ASXL1: variants seen among roughly 807,000 people sequenced by gnomAD.
The protein encoded by ASXL1 is ASXL transcriptional regulator 1, also known as polycomb group protein ASXL1.
In ASXL1, 65 loss-of-function variants were observed where a neutral mutation model predicts 89.1. The ratio of observed to expected loss-of-function variants is 0.73; its 90% CI spans 0.60 to 0.90. ASXL1 has a LOEUF of 0.90. Among genes scored for constraint, ASXL1 ranks in the 40% least tolerant of loss-of-function variants. ASXL1 has a pLI of 0.00. For synonymous variants in ASXL1, 739 were observed against 746.9 expected, an observed-to-expected ratio of 0.99 and a Z score of 0.17; for missense variants, 1,786 against 1,942.9, an observed-to-expected ratio of 0.92 and a Z score of 1.52.
chr20:32,425,376 G>A (rs904371932), intron 4 of ASXL1, among the ~76,000 whole-genome samples: 4 of 152,182 alleles, frequency 2.6e-5, no homozygotes, highest in Non-Finnish European at 4.4e-5. Context: ...TAGGAGGGAC[G>A]TTGCTGGGTC....
At chr20:32,399,778 T>A (rs58837537) in intron 4 of ASXL1, among the ~76,000 whole-genome samples, 2,376 of 83,220 alleles carry the variant, frequency 0.029, 98 homozygotes, top group African/African-American at 0.12. Context: ...TTTTTTTTTT[T>A]AAAGACTGAG....
intron 4 of ASXL1, among the ~76,000 whole-genome samples, chr20:32,398,024 C>T (rs773040571): frequency 2.6e-5 from 4 of 152,116 alleles, no homozygotes; most frequent in Admixed American, 6.5e-5. Context: ...ACGTATAGAT[C>T]GGTTCGTTTG....
chr20:32,435,858 A>G lies in ASXL1; in HGVS notation c.3146A>G (p.Asp1049Gly). Residue 1049 changes from aspartate (D) to glycine (G), a missense_variant, in exon 13 of 13, where the codon GAC becomes GGC. Coordinates refer to ENST00000375687, the MANE Select transcript of ASXL1 (RefSeq NM_015338.6). ...GCCCCACTGTCCAAGGTGAATGGTG[A>G]CATGCGTCTGGTTACAAGGACAGAT... The part of the protein sequence containing the change: ...QSAPLSKVNG[D>G]MRLVTRTDGM... 1 of 1,614,214 alleles carries G rather than the reference A, an allele frequency of 6.2e-7. No homozygotes were observed. Among genetic ancestry groups the G allele is most frequent in the Non-Finnish European group, 8.5e-7 (1 of 1,180,044 alleles).
intron 4 of ASXL1, among the ~76,000 whole-genome samples, chr20:32,383,473 A>G (rs1009660620): frequency 6.6e-6 from 1 of 151,722 alleles, no homozygotes; most frequent in Non-Finnish European, 1.5e-5. Flanking sequence ...TGCCCGGCTA[A>G]TTTTTTTGTA....
intron 4 of ASXL1, among the ~76,000 whole-genome samples, chr20:32,414,661 T>C (rs748073106): frequency 2.2e-4 from 33 of 152,240 alleles, no homozygotes; most frequent in Non-Finnish European, 4.0e-4. Flanking sequence ...TTATCTTTCA[T>C]ATAACAATGT....
At position 32,438,547 on chromosome 20, in the gene ASXL1, G is replaced by C. The variant is rs931037727; in HGVS notation, c.*1209G>C. The C allele has an allele frequency of 6.0e-5, 14 of 233,542 alleles. No homozygotes were observed. Among genetic ancestry groups the C allele is most frequent in the African/African-American group, 3.1e-4 (14 of 45,350 alleles). The allele number at this position is 233,542 out of a possible 1,614,324, so 14.5% of individuals were successfully genotyped here. A position where few individuals can be genotyped will look rare whatever the true frequency, so the allele number is the denominator to read the frequency against. ...ACCTGCTGCAGCCTGCAGAGCCACA[G>C]TCAGCCTGCCCACATGCCACCGAGC... On this transcript the variant is annotated 3_prime_UTR_variant, in exon 13 of 13. Transcript: ENST00000375687.
chr20:32,418,499 G>A (rs2049177462), intron 4 of ASXL1, among the ~76,000 whole-genome samples: 2 of 152,170 alleles, frequency 1.3e-5, no homozygotes, highest in South Asian at 4.1e-4. Flanking sequence ...ATACAATTCA[G>A]TGGCTTCTAG....
At chr20:32,378,893 G>A (rs1206574578) in intron 4 of ASXL1, among the ~76,000 whole-genome samples, 3 of 151,634 alleles carry the variant, frequency 2.0e-5, no homozygotes, top group Non-Finnish European at 2.9e-5. Context: ...TTTGGGAGGC[G>A]GAGGCGGGCG....
chr20:32,384,855 T>C (rs1166341701), intron 4 of ASXL1, among the ~76,000 whole-genome samples: 1 of 151,236 alleles, frequency 6.6e-6, no homozygotes, highest in Non-Finnish European at 1.5e-5. Context: ...TAAAGATGTA[T>C]TTTTTTTTGG....
At chr20:32,372,550 C>T (rs2048315060) in intron 4 of ASXL1, 3 of 307,028 alleles carry the variant, frequency 9.8e-6, no homozygotes, top group African/African-American at 4.5e-5. Context: ...ATTTAATGAA[C>T]GAATTTAGTG....
chr20:32,428,660 T>G, intron 6 of ASXL1: 1 of 415,050 alleles, frequency 2.4e-6, no homozygotes, highest in Admixed American at 4.1e-5. Flanking sequence ...TTCTTTTTTT[T>G]TTTTTTTTTT....
Position 32,435,158 on chromosome 20 carries a change from T to C in ASXL1, c.2446T>C (p.Ser816Pro). 2.5e-6 allele frequency: 4 copies of C among 1,613,840 alleles called. No homozygotes were observed. The highest frequency in any genetic ancestry group is 3.4e-6 in the Non-Finnish European group (4 of 1,180,018). ...TVPADNGPIPSLVGDDTLEKG... is the reference protein window; with the variant it reads ...TVPADNGPIPPLVGDDTLEKG... ...TCCTGCAGACAATGGTCCCATTCCGTCTCTAGTGGGAGATGATACATTAGA... is the reference window on the plus strand; with the variant it reads ...TCCTGCAGACAATGGTCCCATTCCGCCTCTAGTGGGAGATGATACATTAGA... Residue 816 changes from serine (S) to proline (P), a missense_variant, in exon 13 of 13, where the codon TCT (serine) becomes CCT (proline). Physicochemically the swap from Ser to Pro is moderately conservative, Grantham distance 74. Around this residue, in one of 3 missense-constraint regions of ASXL1, gnomAD observed 1,418 missense variants for 1,427.8 expected, o/e 0.99. Coordinates refer to ENST00000375687, the MANE Select transcript of ASXL1 (RefSeq NM_015338.6).
At chr20:32,368,978 T>C (rs1169582691) in intron 3 of ASXL1, 37 bp from the exon 4 acceptor site, 7 of 1,535,198 alleles carry the variant, frequency 4.6e-6, no homozygotes, top group South Asian at 1.1e-5. Context: ...GGCAGATGGA[T>C]TGTATAACCC....
At chr20:32,367,233 C>T (rs535423372) in intron 2 of ASXL1, among the ~76,000 whole-genome samples, 18 of 152,266 alleles carry the variant, frequency 1.2e-4, no homozygotes, top group Admixed American at 9.2e-4. Flanking sequence ...AAAGATTAGC[C>T]GGCATGGTGA....
intron 4 of ASXL1, among the ~76,000 whole-genome samples, chr20:32,411,031 C>CAAAAAAAAAAAAAAAAAA (rs1257482301): frequency 7.2e-5 from 2 of 27,684 alleles, no homozygotes; most frequent in African/African-American, 2.1e-4. Context: ...GACTCTGTCT[C>CAAAAAAAAAAAAAAAAAA]AAAAAAAAAA....
At chr20:32,407,922 G>T (rs1431032634) in intron 4 of ASXL1, among the ~76,000 whole-genome samples, 2 of 152,076 alleles carry the variant, frequency 1.3e-5, no homozygotes, top group Non-Finnish European at 2.9e-5. Flanking sequence ...TGGCTCTTAG[G>T]TGTGCGATTT....
rs1471400186 is a variant in ASXL1, at chr20:32,439,299, A to G, written c.*1961A>G. ...TGTATGTCTCTTGTGGTATTGGAAC[A>G]ATAAACCCGTACAACCTGCAGTTGT... On this transcript the variant is annotated 3_prime_UTR_variant, in exon 13 of 13. Coordinates refer to ENST00000375687, the MANE Select transcript of ASXL1 (RefSeq NM_015338.6). 1 of 231,394 alleles carries G rather than the reference A, an allele frequency of 4.3e-6. No individual in the cohort carries two copies. Among genetic ancestry groups the G allele is most frequent in the Non-Finnish European group, 8.6e-6 (1 of 116,746 alleles). The allele number at this position is 231,394 out of a possible 1,614,324, so 14.3% of individuals were successfully genotyped here. A position where few individuals can be genotyped will look rare whatever the true frequency, so the allele number is the denominator to read the frequency against.
intron 4 of ASXL1, chr20:32,372,307 G>T: frequency 8.3e-7 from 1 of 1,208,136 alleles, no homozygotes. Flanking sequence ...TATTTGCTCA[G>T]TACCTCATCT....
intron 4 of ASXL1, among the ~76,000 whole-genome samples, chr20:32,374,055 C>T (rs1194116933): frequency 6.6e-6 from 1 of 152,006 alleles, no homozygotes; most frequent in Non-Finnish European, 1.5e-5. Flanking sequence ...CTTTGTCATC[C>T]AGGCTGGAGT....
Sources: gnomAD v4.1 joint callset for allele counts (sites outside exome capture counted in the v4.1 genomes callset) on GRCh38, gnomAD v4.1.1 for gene constraint, gnomAD v4.1.1 regional missense constraint, MANE v1.5 for transcripts, NCBI Gene and HGNC (gene_info 2026-07-23, HGNC 2026-07-21) for gene names.